CAST: variants seen among roughly 807,000 people sequenced by gnomAD.
CAST encodes calpastatin.
CAST carries 76 observed loss-of-function variants against 119.6 expected under a neutral mutation model. The observed-to-expected ratio is 0.64, with a 90% CI of 0.53 to 0.77. CAST has a LOEUF of 0.77. Ranked by LOEUF, CAST falls within the 30% of genes least tolerant of loss-of-function variation. The probability of loss-of-function intolerance (pLI) is 0.00; values close to 1 mark genes in which losing one functional copy is unlikely to be tolerated. For missense variants in CAST, 953 were observed against 946.5 expected, an observed-to-expected ratio of 1.01 and a Z score of -0.09; for synonymous variants, 319 against 331.6, an observed-to-expected ratio of 0.96 and a Z score of 0.41.
chr5:96,049,889 C>CAAAAAAAAAAAAAAAAAAAAAAAAGAAA, the CAST span, among the ~76,000 whole-genome samples: 1 of 34,188 alleles, frequency 2.9e-5, no homozygotes, highest in African/African-American at 1.0e-4. Flanking sequence ...GAACAGGAGG[C>CAAAAAAAAAAAAAAAAAAAAAAAAGAAA]AAAAAAAAAA....
At chr5:96,238,297 T>G in the CAST span, among the ~76,000 whole-genome samples, 1 of 149,740 alleles carries the variant, frequency 6.7e-6, no homozygotes, top group South Asian at 2.1e-4. Flanking sequence ...AAAATGCAAA[T>G]CTGTTTCTTC....
the CAST span, chr5:96,215,262 A>G: frequency 1.3e-5 from 2 of 152,222 alleles, no homozygotes; most frequent in East Asian, 1.9e-4. Context: ...ACTTTCAATT[A>G]TGTGGGTCAT....
At chr5:96,731,072 A>G (rs1337443926) in intron 9 of CAST, among the ~76,000 whole-genome samples, 1 of 152,254 alleles carries the variant, frequency 6.6e-6, no homozygotes, top group East Asian at 1.9e-4. Context: ...CTTACTGAGT[A>G]CATGCCATAT....
the CAST span, among the ~76,000 whole-genome samples, chr5:96,336,476 TTTGA>T: frequency 6.6e-6 from 1 of 152,174 alleles, no homozygotes; most frequent in Admixed American, 6.5e-5. Context: ...GTGTGCCCTG[TTTGA>T]TTGAAAGCTG....
chr5:96,154,784 G>A, the CAST span, among the ~76,000 whole-genome samples: 2 of 152,194 alleles, frequency 1.3e-5, no homozygotes, highest in Non-Finnish European at 2.9e-5. Flanking sequence ...CTGGGTTATA[G>A]GATTTTAGAG....
intron 1 of CAST, among the ~76,000 whole-genome samples, chr5:96,643,149 G>A (rs1230097682): frequency 8.5e-5 from 13 of 152,154 alleles, no homozygotes; most frequent in Non-Finnish European, 1.5e-4. Context: ...ATGTTTGCAC[G>A]CAGCTGGGAT....
At chr5:96,599,295 A>G (rs902511154) in intron 1 of CAST, among the ~76,000 whole-genome samples, 1 of 152,222 alleles carries the variant, frequency 6.6e-6, no homozygotes, top group African/African-American at 2.4e-5. Context: ...CTGTCCTCAG[A>G]CTGATCTTAT....
chr5:96,230,785 C>A, the CAST span, among the ~76,000 whole-genome samples: 3 of 152,018 alleles, frequency 2.0e-5, no homozygotes, highest in Non-Finnish European at 2.9e-5. Flanking sequence ...ATAAAGAACT[C>A]CTACAACTCC....
At chr5:96,593,815 G>A (rs769650166) in intron 1 of CAST, among the ~76,000 whole-genome samples, 4 of 152,190 alleles carry the variant, frequency 2.6e-5, no homozygotes, top group South Asian at 2.1e-4. Context: ...GAGCAGGCCC[G>A]CATCAGAGCC....
the CAST span, among the ~76,000 whole-genome samples, chr5:96,510,752 A>G: frequency 2.0e-5 from 3 of 152,254 alleles, no homozygotes; most frequent in South Asian, 2.1e-4. Context: ...AAAATTGCCT[A>G]TATTTTTTGA....
chr5:96,168,901 T>C, the CAST span, among the ~76,000 whole-genome samples: 1 of 152,000 alleles, frequency 6.6e-6, no homozygotes, highest in African/African-American at 2.4e-5. Flanking sequence ...GTTATGAGAA[T>C]TGTAGAGAGT....
At chr5:96,103,658 C>CACA in the CAST span, among the ~76,000 whole-genome samples, 1 of 151,774 alleles carries the variant, frequency 6.6e-6, no homozygotes, top group African/African-American at 2.4e-5. Context: ...CCACAATAAA[C>CACA]ATACGTGTGC....
the CAST span, among the ~76,000 whole-genome samples, chr5:96,268,086 A>T: frequency 3.3e-5 from 5 of 152,188 alleles, no homozygotes; most frequent in East Asian, 9.6e-4. Flanking sequence ...TAATAAATTC[A>T]CTAAAAATAA....
chr5:96,518,053 C>A, the CAST span, among the ~76,000 whole-genome samples: 2 of 152,226 alleles, frequency 1.3e-5, no homozygotes, highest in African/African-American at 4.8e-5. Flanking sequence ...AGCCAGGATT[C>A]AAATCAGGTA....
chr5:96,105,854 C>T, the CAST span, among the ~76,000 whole-genome samples: 10 of 152,290 alleles, frequency 6.6e-5, no homozygotes, highest in Middle Eastern at 3.4e-3. Context: ...AGCTGTGAAT[C>T]CATCTGGTAC....
At chr5:96,637,160 G>T (rs946945300) in intron 1 of CAST, among the ~76,000 whole-genome samples, 2 of 152,206 alleles carry the variant, frequency 1.3e-5, no homozygotes, top group African/African-American at 4.8e-5. Context: ...TAGTTGTTCT[G>T]TTGCTAATGT....
At chr5:96,556,406 T>G (rs946304349) in intron 1 of CAST, among the ~76,000 whole-genome samples, 1 of 152,038 alleles carries the variant, frequency 6.6e-6, no homozygotes, top group African/African-American at 2.4e-5. Context: ...AAGATCAAAC[T>G]ACTCAGAGCT....
the CAST span, among the ~76,000 whole-genome samples, chr5:96,262,408 T>C: frequency 6.6e-6 from 1 of 152,218 alleles, no homozygotes; most frequent in Admixed American, 6.5e-5. Context: ...CTGTCCTTTC[T>C]TCATGAGATT....
the CAST span, among the ~76,000 whole-genome samples, chr5:96,487,962 A>T: frequency 1.3e-4 from 20 of 152,214 alleles, no homozygotes; most frequent in African/African-American, 4.8e-4. Context: ...ACTAACCGTT[A>T]ATAACCTCCT....
Sources: gnomAD v4.1 joint callset for allele counts (sites outside exome capture counted in the v4.1 genomes callset) on GRCh38, gnomAD v4.1.1 for gene constraint, MANE v1.5 for transcripts, NCBI Gene and HGNC (gene_info 2026-07-23, HGNC 2026-07-21) for gene names.